Variants in PARD3 observed in about 807,000 individuals in gnomAD.
PARD3 encodes the protein partitioning defective 3 homolog.
Under a neutral mutation model 155.4 loss-of-function variants are expected in PARD3, and 75 were observed. The observed-to-expected ratio is 0.48, with a 90% CI of 0.40 to 0.58. The LOEUF (loss-of-function observed/expected upper bound fraction) is 0.58. Ranked by LOEUF, PARD3 falls within the 20% of genes least tolerant of loss-of-function variation. The pLI, the probability that PARD3 is intolerant of heterozygous loss-of-function variation, is 0.00. For missense variants in PARD3, 1,642 were observed against 1,721.7 expected (o/e 0.95, Z 0.82); for synonymous variants, 576 against 610.5 (o/e 0.94, Z 0.83).
In PARD3 at chr10:34,110,473, G is replaced by A. The variant is rs886925386; in HGVS notation, c.*696C>T. The A allele has an allele frequency of 1.3e-5, 2 of 152,140 alleles. No individual in the cohort carries two copies. The highest frequency in any genetic ancestry group is 4.8e-5 in the African/African-American group (2 of 41,414). The allele number at this position is 152,140 out of a possible 1,614,324, so 9.4% of individuals were successfully genotyped here. ...TGTGGTGACTCAACCCACGTGTCAG[G>A]AACAGGACCGAACAAGCGTATGTAT... On this transcript the variant is annotated 3_prime_UTR_variant, in exon 25 of 25. Coordinates refer to ENST00000374788, the MANE Select transcript of PARD3 (RefSeq NM_001184785.2).
At chr10:34,735,773 T>C (rs1044066877) in intron 1 of PARD3, among the ~76,000 whole-genome samples, 12 of 152,368 alleles carry the variant, frequency 7.9e-5, no homozygotes, top group African/African-American at 2.9e-4. Context: ...AAGTGGCGGA[T>C]ATCAGTACAC....
intron 5 of PARD3, among the ~76,000 whole-genome samples, chr10:34,427,641 C>T (rs969136804): frequency 6.6e-6 from 1 of 152,184 alleles, no homozygotes; most frequent in Non-Finnish European, 1.5e-5. Context: ...GACCCACACC[C>T]TATTCCTACA....
chr10:34,703,898 T>G (rs10827393), intron 1 of PARD3, among the ~76,000 whole-genome samples: 1 of 151,964 alleles, frequency 6.6e-6, no homozygotes. Flanking sequence ...AGTATGAAGG[T>G]AGAAAAAAGA....
intron 23 of PARD3, among the ~76,000 whole-genome samples, chr10:34,122,716 TAAA>T (rs1947072833): frequency 6.6e-6 from 1 of 152,146 alleles, no homozygotes; most frequent in Non-Finnish European, 1.5e-5. Flanking sequence ...GAGCAACAAC[TAAA>T]TAAGTTCATC....
At position 34,696,425 on chromosome 10, in the gene PARD3, C is replaced by G. The variant is rs779397159; in HGVS notation, c.121-6G>C. 5.8e-6 allele frequency: 9 copies of G among 1,560,748 alleles called. No individual in the cohort carries two copies. The highest frequency in any genetic ancestry group is 7.1e-6 in the Non-Finnish European group (8 of 1,132,106). ...TGTATCCAGTAGTTTGGATCCTATA[C>G]GAAAGAACAGAAACACTGAATATAG... On this transcript the variant is annotated splice_region_variant and splice_polypyrimidine_tract_variant and intron_variant, in intron 1 of 24. Coordinates refer to ENST00000374788, the MANE Select transcript of PARD3 (RefSeq NM_001184785.2).
At chr10:34,278,205 C>A (rs1187900929) in intron 21 of PARD3, among the ~76,000 whole-genome samples, 9 of 121,746 alleles carry the variant, frequency 7.4e-5, no homozygotes, top group Non-Finnish European at 1.4e-4. Flanking sequence ...TACCACCATG[C>A]CCTGCTAATT....
chr10:34,530,226 C>T (rs1349367808), intron 2 of PARD3, among the ~76,000 whole-genome samples: 1 of 152,082 alleles, frequency 6.6e-6, no homozygotes, highest in Non-Finnish European at 1.5e-5. Context: ...AAATACATCA[C>T]AATGTCTGAC....
intron 3 of PARD3, among the ~76,000 whole-genome samples, chr10:34,485,592 G>A (rs2079399538): frequency 6.6e-6 from 1 of 152,172 alleles, no homozygotes; most frequent in East Asian, 1.9e-4. Flanking sequence ...GGTTGAAAGA[G>A]TTAAGTTATT....
At chr10:34,456,427 G>C (rs1049191758) in intron 4 of PARD3, among the ~76,000 whole-genome samples, 2 of 152,076 alleles carry the variant, frequency 1.3e-5, no homozygotes, top group South Asian at 4.2e-4. Context: ...CTCCCGAGTA[G>C]CTGGGATTAC....
At chr10:34,140,871 G>A (rs1564426072) in intron 22 of PARD3, among the ~76,000 whole-genome samples, 1 of 152,020 alleles carries the variant, frequency 6.6e-6, no homozygotes, top group Non-Finnish European at 1.5e-5. Context: ...TTCTAACAAG[G>A]GCCGCTTTTT....
At chr10:34,629,129 T>C (rs1305643633) in intron 2 of PARD3, among the ~76,000 whole-genome samples, 2 of 152,144 alleles carry the variant, frequency 1.3e-5, no homozygotes, top group African/African-American at 4.8e-5. Context: ...TAATGAAAGG[T>C]CCCTGGGCAG....
At chr10:34,698,392 C>A (rs184510087) in intron 1 of PARD3, among the ~76,000 whole-genome samples, 1 of 152,144 alleles carries the variant, frequency 6.6e-6, no homozygotes. Context: ...ATTTTCCCCC[C>A]ACTCTGTGCC....
At chr10:34,194,371 C>T (rs1425441093) in intron 22 of PARD3, among the ~76,000 whole-genome samples, 9 of 152,246 alleles carry the variant, frequency 5.9e-5, no homozygotes, top group African/African-American at 2.2e-4. Flanking sequence ...CAGCACACAG[C>T]AGGTTCAGGA....
intron 22 of PARD3, among the ~76,000 whole-genome samples, chr10:34,199,889 CGA>C (rs1951128546): frequency 6.6e-6 from 1 of 151,864 alleles, no homozygotes; most frequent in Non-Finnish European, 1.5e-5. Flanking sequence ...TACAACTGCC[CGA>C]CCCCAAAAAA....
At chr10:34,695,198 C>T (rs1014458461) in intron 2 of PARD3, among the ~76,000 whole-genome samples, 1 of 152,154 alleles carries the variant, frequency 6.6e-6, no homozygotes, top group Non-Finnish European at 1.5e-5. Context: ...TGGCCAGGGC[C>T]GGGTGTGGTG....
chr10:34,657,950 T>C (rs568201906), intron 2 of PARD3, among the ~76,000 whole-genome samples: 1 of 152,132 alleles, frequency 6.6e-6, no homozygotes, highest in South Asian at 2.1e-4. Flanking sequence ...ATCGAGACTG[T>C]CCTAGCTAAC....
Position 34,269,697 on chromosome 10 carries a change from C to G in PARD3, c.3379G>C (p.Val1127Leu), listed in dbSNP as rs773642752. The change falls in exon 22 of 25, where the codon GTC becomes CTC. Residue 1127 changes from valine (V) to leucine (L), a missense_variant. Transcript: ENST00000374788. ...GGTTTGGAATTCCGCGGCTTCTTGA[C>G]TTGGGCATACAAAGCATCCATCATA... Reference protein sequence around the residue: ...GHMMDALYAQVKKPRNSKPSP... With the variant: ...GHMMDALYAQLKKPRNSKPSP... 1 of 1,614,052 alleles carries G rather than the reference C, an allele frequency of 6.2e-7. No individual in the cohort carries two copies. Among genetic ancestry groups the G allele is most frequent in the Non-Finnish European group, 8.5e-7 (1 of 1,179,964 alleles).
intron 2 of PARD3, among the ~76,000 whole-genome samples, chr10:34,563,520 C>A (rs1382111774): frequency 7.2e-6 from 1 of 139,496 alleles, no homozygotes; most frequent in African/African-American, 2.9e-5. Flanking sequence ...GTGCACGCCA[C>A]CACGCCTGCT....
In PARD3 at chr10:34,406,800, GA is replaced by G. The variant is rs369654163; in HGVS notation, c.715-4884del. On this transcript the variant is annotated intron_variant, in intron 5 of 24. Transcript: ENST00000374788. ...ATATACAGAGAAAACAAAGCAACAT[GA>G]AAAAAAAAAAATTGCCCCAGGAGAA... is the stretch of plus-strand genomic sequence containing the variant. Among the ~76,000 whole-genome samples the G allele has an allele frequency of 5.8e-3, 824 of 143,018 alleles. 4 individuals are homozygous for G. Among genetic ancestry groups the G allele is most frequent in the African/African-American group, 0.017 (646 of 38,916 alleles). 93.8% of individuals were successfully genotyped at this position (143,018 alleles called of 152,430 possible). A position where few individuals can be genotyped will look rare whatever the true frequency, so the allele number is the denominator to read the frequency against.
Sources: gnomAD v4.1 joint callset for allele counts (sites outside exome capture counted in the v4.1 genomes callset) on GRCh38, gnomAD v4.1.1 for gene constraint, MANE v1.5 for transcripts, NCBI Gene and HGNC (gene_info 2026-07-23, HGNC 2026-07-21) for gene names.